Variants in CLASP2 observed in about 807,000 individuals in gnomAD.
CLASP2 encodes CLIP-associating protein 2.
CLASP2 carries 47 observed loss-of-function variants against 194.4 expected under a neutral mutation model. The observed-to-expected ratio is 0.24, with a 90% CI of 0.19 to 0.31. CLASP2 has a LOEUF of 0.31. Among genes scored for constraint, CLASP2 ranks in the 10% least tolerant of loss-of-function variants. The pLI is 1.00. For missense variants in CLASP2, 1,445 were observed against 1,823.6 expected (o/e 0.79, Z 3.78); for synonymous variants, 619 against 633.5 (o/e 0.98, Z 0.34).
Position 33,510,541 on chromosome 3 carries a change from C to T in CLASP2, c.4317+17G>A, listed in dbSNP as rs1190245433. On this transcript the variant is annotated intron_variant, in intron 37 of 38. Transcript: ENST00000682230. ...AAATGTATCATGGCTTATTCCTCTC[C>T]AAGCTTTGTTGCTTACCTGTATTAG... 3.7e-6 allele frequency: 6 copies of T among 1,611,870 alleles called. No homozygotes were observed. Among genetic ancestry groups the T allele is most frequent in the East Asian group, 2.2e-5 (1 of 44,890 alleles).
intron 11 of CLASP2, among the ~76,000 whole-genome samples, chr3:33,621,903 G>T (rs2077174471): frequency 6.6e-6 from 1 of 152,002 alleles, no homozygotes; most frequent in Admixed American, 6.6e-5. Context: ...AAATCCACCA[G>T]TAGGCTTTAG....
At chr3:33,657,479 T>C (rs952235594) in intron 7 of CLASP2, among the ~76,000 whole-genome samples, 2 of 151,920 alleles carry the variant, frequency 1.3e-5, no homozygotes, top group Admixed American at 6.6e-5. Flanking sequence ...AAAAACTAAG[T>C]AAATATAAAA....
chr3:33,521,166 G>A (rs1298843760), intron 34 of CLASP2, among the ~76,000 whole-genome samples: 1 of 152,036 alleles, frequency 6.6e-6, no homozygotes, highest in Non-Finnish European at 1.5e-5. Context: ...GAAACTATGA[G>A]TCCCTACTGT....
At chr3:33,529,856 T>C (rs1310731039) in intron 34 of CLASP2, among the ~76,000 whole-genome samples, 1 of 151,968 alleles carries the variant, frequency 6.6e-6, no homozygotes, top group East Asian at 1.9e-4. Flanking sequence ...CGGGCGCCTG[T>C]AGTCCCAGCT....
chr3:33,612,655 A>T (rs1438255012), intron 12 of CLASP2, among the ~76,000 whole-genome samples: 1 of 152,196 alleles, frequency 6.6e-6, no homozygotes, highest in Non-Finnish European at 1.5e-5. Context: ...TTCATAATAG[A>T]CATTAACATA....
chr3:33,666,120 T>A (rs564378390), intron 6 of CLASP2, among the ~76,000 whole-genome samples: 1 of 152,166 alleles, frequency 6.6e-6, no homozygotes, highest in African/African-American at 2.4e-5. Context: ...AAGTTTAGAA[T>A]AAGAATAGTA....
intron 1 of CLASP2, among the ~76,000 whole-genome samples, chr3:33,705,783 G>A (rs2092650663): frequency 6.6e-6 from 1 of 152,036 alleles, no homozygotes. Flanking sequence ...GTAAACCATG[G>A]TGTATCCACA....
At chr3:33,659,099 G>T in intron 7 of CLASP2, 1 of 1,496,684 alleles carries the variant, frequency 6.7e-7, no homozygotes, top group Non-Finnish European at 8.9e-7. Context: ...GACACCCGGA[G>T]CACTGTGTGA....
chr3:33,696,792 C>A, intron 2 of CLASP2, 63 bp downstream of exon 2: 1 of 1,097,450 alleles, frequency 9.1e-7, no homozygotes, highest in African/African-American at 1.6e-5. Context: ...TAAATAAAAA[C>A]TAACGAAAAA....
At chr3:33,580,334 G>A (rs1453287149) in intron 23 of CLASP2, among the ~76,000 whole-genome samples, 1 of 152,138 alleles carries the variant, frequency 6.6e-6, no homozygotes, top group South Asian at 2.1e-4. Context: ...GGCCGAGGTA[G>A]GTGGATCACC....
In CLASP2 at chr3:33,584,841, G is replaced by A. The variant is rs2067002020; in HGVS notation, c.2148C>T (p.Val716=). ...LSTVSSGVQR[V]LVNSASAQKR... is the part of the protein sequence containing the mutation. ...TTTGTGCTGAGGCTGAATTGACCAG[G>A]ACTCTTTGAACACCAGAGCTCACAG... Residue 716 remains valine (V), a synonymous_variant, in exon 22 of 39, where the codon GTC becomes GTT. Coordinates refer to ENST00000682230, the MANE Select transcript of CLASP2 (RefSeq NM_001365631.1). 2.5e-6 allele frequency: 4 copies of A among 1,613,856 alleles called. No individual in the cohort carries two copies. In the East Asian group the frequency reaches 8.9e-5, roughly 36 times the overall value.
chr3:33,651,790 G>A (rs538754884), intron 7 of CLASP2, among the ~76,000 whole-genome samples: 2 of 151,552 alleles, frequency 1.3e-5, no homozygotes, highest in Admixed American at 1.3e-4. Context: ...CTCCTAAGTA[G>A]CTGGGATTAC....
intron 12 of CLASP2, among the ~76,000 whole-genome samples, chr3:33,612,639 A>G (rs1325679115): frequency 2.0e-5 from 3 of 152,206 alleles, no homozygotes; most frequent in Non-Finnish European, 2.9e-5. Flanking sequence ...AGCAAACAGT[A>G]AAAAGTTCAT....
At chr3:33,573,571 G>A in intron 24 of CLASP2, 1 of 599,934 alleles carries the variant, frequency 1.7e-6, no homozygotes. Context: ...ATGGGAAGTG[G>A]TAGAAGCAGA....
At chr3:33,515,885 T>C in intron 36 of CLASP2, 138 bp downstream of exon 36, 1 of 726,256 alleles carries the variant, frequency 1.4e-6, no homozygotes, top group Non-Finnish European at 2.0e-6. Flanking sequence ...AAAATATGCT[T>C]GCATCTCGAT....
chr3:33,566,539 AATTAG>A (rs1280798593), intron 27 of CLASP2, among the ~76,000 whole-genome samples, 188 bp downstream of exon 27: 2 of 152,342 alleles, frequency 1.3e-5, no homozygotes, highest in South Asian at 2.1e-4. Flanking sequence ...AACATAATCA[AATTAG>A]ATTAATTAGT....
At chr3:33,594,860 T>C (rs2154242991) in intron 20 of CLASP2, 91 bp downstream of exon 20, 1 of 637,810 alleles carries the variant, frequency 1.6e-6, no homozygotes, top group Admixed American at 4.2e-5. Context: ...TGCAAAGAAA[T>C]TAGCCTATTT....
At chr3:33,541,585 A>AT (rs991087918) in intron 32 of CLASP2, among the ~76,000 whole-genome samples, 5 of 152,062 alleles carry the variant, frequency 3.3e-5, no homozygotes, top group East Asian at 1.9e-4. Flanking sequence ...AACATGCAGT[A>AT]TTTTTTTGTT....
chr3:33,692,180 A>T (rs1265171577), intron 2 of CLASP2, among the ~76,000 whole-genome samples: 5 of 152,096 alleles, frequency 3.3e-5, no homozygotes, highest in African/African-American at 1.2e-4. Context: ...AAAAAATAAT[A>T]AATAAATAAA....
Sources: allele counts gnomAD v4.1 joint callset (sites outside exome capture counted in the v4.1 genomes callset), GRCh38; gene constraint gnomAD v4.1.1; transcripts MANE v1.5; gene names NCBI Gene and HGNC (gene_info 2026-07-23, HGNC 2026-07-21).